The following PMFBP1 variants were observed in gnomAD, a reference collection of about 807,000 sequenced individuals.
The protein encoded by PMFBP1 is polyamine-modulated factor 1-binding protein 1.
A neutral mutation model predicts 137.8 loss-of-function variants in PMFBP1; 131 were observed. The ratio of observed to expected loss-of-function variants is 0.95; its 90% CI spans 0.82 to 1.10. The LOEUF (loss-of-function observed/expected upper bound fraction) is 1.10. Ranked by LOEUF, PMFBP1 falls within the 50% of genes least tolerant of loss-of-function variation. The pLI is 0.00. For missense variants in PMFBP1, 1,199 were observed against 1,175.4 expected, an observed-to-expected ratio of 1.02 and a Z score of -0.29; for synonymous variants, 490 against 450.4, an observed-to-expected ratio of 1.09 and a Z score of -1.11.
chr16:72,188,242 G>T, the PMFBP1 span, among the ~76,000 whole-genome samples: 1 of 152,218 alleles, frequency 6.6e-6, no homozygotes, highest in Non-Finnish European at 1.5e-5. Flanking sequence ...TTATATGCTC[G>T]ATTGGGCTAA....
chr16:72,187,105 T>A, the PMFBP1 span, among the ~76,000 whole-genome samples: 1 of 134,132 alleles, frequency 7.5e-6, no homozygotes, highest in Admixed American at 7.9e-5. Context: ...AAAGTGAGAC[T>A]CCATCTCAAA....
At chr16:72,133,061 C>T in intron 9 of PMFBP1, 70 bp from the exon 10 acceptor site, 2 of 1,560,292 alleles carry the variant, frequency 1.3e-6, no homozygotes, top group South Asian at 1.2e-5. Context: ...GAGAGGTTGT[C>T]TCAAGCCCTC....
intron 5 of PMFBP1, among the ~76,000 whole-genome samples, chr16:72,142,561 CT>C (rs1237112231): frequency 6.6e-6 from 1 of 152,142 alleles, no homozygotes; most frequent in Non-Finnish European, 1.5e-5. Flanking sequence ...AGGGAAGATG[CT>C]TTTGAAAGTT....
At chr16:72,123,154 G>T (rs1307701231) in intron 18 of PMFBP1, among the ~76,000 whole-genome samples, 166 bp from the exon 19 acceptor site, 1 of 152,142 alleles carries the variant, frequency 6.6e-6, no homozygotes, top group Non-Finnish European at 1.5e-5. Context: ...AGCACCTGGG[G>T]ATTCAGAGGA....
At chr16:72,193,774 T>C in the PMFBP1 span, among the ~76,000 whole-genome samples, 280 of 151,480 alleles carry the variant, frequency 1.8e-3, 1 homozygote, top group African/African-American at 6.5e-3. Context: ...ATGCATTCTA[T>C]TGAACAAAAA....
At chr16:72,123,423 G>C (rs1297759480) in intron 18 of PMFBP1, 123 bp downstream of exon 18, 4 of 798,840 alleles carry the variant, frequency 5.0e-6, no homozygotes, top group Non-Finnish European at 8.0e-6. Flanking sequence ...CTTGGGTGTG[G>C]GCTGAGACTG....
intron 5 of PMFBP1, among the ~76,000 whole-genome samples, chr16:72,142,340 T>C (rs530732378): frequency 3.9e-5 from 6 of 152,320 alleles, no homozygotes; most frequent in African/African-American, 1.4e-4. Flanking sequence ...AGAAATATTC[T>C]CTGAAGTGAA....
the PMFBP1 span, among the ~76,000 whole-genome samples, chr16:72,219,719 A>G: frequency 2.0e-5 from 3 of 152,214 alleles, no homozygotes; most frequent in African/African-American, 7.2e-5. Context: ...GATGAGATAC[A>G]GGTTTGGAAT....
chr16:72,138,113 C>T (rs935645695), intron 7 of PMFBP1, among the ~76,000 whole-genome samples: 1 of 152,110 alleles, frequency 6.6e-6, no homozygotes, highest in Non-Finnish European at 1.5e-5. Context: ...AAAATGGAGT[C>T]TTATGAGATT....
At position 72,140,260 on chromosome 16, in the gene PMFBP1, G is replaced by A. The variant is rs545951526; in HGVS notation, c.807+152C>T. 8 of 773,762 alleles carry A rather than the reference G, an allele frequency of 1.0e-5. No individual in the cohort carries two copies. In the African/African-American group the frequency reaches 1.0e-4, roughly 10 times the overall value. 47.9% of individuals were successfully genotyped at this position (773,762 alleles called of 1,614,324 possible). A position where few individuals can be genotyped will look rare whatever the true frequency, so the allele number is the denominator to read the frequency against. ...GGGTGGGAAGAAGCATTACCATGGA[G>A]AATATGAACAAAGTTGGGGGGCAAG... is the stretch of plus-strand genomic sequence containing the variant. On this transcript the variant is annotated intron_variant, in intron 6 of 20. Transcript: ENST00000237353.
At chr16:72,124,368 G>A (rs1297703121) in intron 17 of PMFBP1, among the ~76,000 whole-genome samples, 5 of 152,160 alleles carry the variant, frequency 3.3e-5, no homozygotes, top group South Asian at 2.1e-4. Context: ...GCTGTCCTGC[G>A]GCCTCCTGCC....
intron 10 of PMFBP1, among the ~76,000 whole-genome samples, chr16:72,130,984 C>G (rs1420666020): frequency 6.6e-6 from 1 of 152,194 alleles, no homozygotes; most frequent in African/African-American, 2.4e-5. Context: ...CATTCTGTCA[C>G]TGGGGACAAA....
chr16:72,143,465 G>A (rs1461338352), intron 5 of PMFBP1, among the ~76,000 whole-genome samples: 2 of 152,200 alleles, frequency 1.3e-5, no homozygotes, highest in African/African-American at 2.4e-5. Context: ...CAATTAGGCC[G>A]GGCGTGGTGG....
chr16:72,163,572 T>C (rs1016722536), intron 3 of PMFBP1, among the ~76,000 whole-genome samples: 9 of 152,132 alleles, frequency 5.9e-5, no homozygotes, highest in Non-Finnish European at 1.5e-5. Context: ...GGTCAAGTAG[T>C]AGTTGATGTG....
intron 9 of PMFBP1, among the ~76,000 whole-genome samples, chr16:72,136,011 T>G (rs140447516): frequency 2.0e-5 from 3 of 152,222 alleles, no homozygotes; most frequent in African/African-American, 7.2e-5. Context: ...CACCTTGGCC[T>G]CTTAAAGTGC....
At chr16:72,133,219 C>G (rs2042575375) in intron 9 of PMFBP1, among the ~76,000 whole-genome samples, 1 of 152,112 alleles carries the variant, frequency 6.6e-6, no homozygotes, top group Admixed American at 6.5e-5. Flanking sequence ...GAGTCTCTCT[C>G]TGTCGCCCAG....
chr16:72,156,913 T>C (rs951341157), intron 3 of PMFBP1, among the ~76,000 whole-genome samples: 4 of 151,458 alleles, frequency 2.6e-5, no homozygotes, highest in African/African-American at 4.9e-5. Context: ...ATCGGCTGGG[T>C]GCGGTGGCTC....
the PMFBP1 span, among the ~76,000 whole-genome samples, chr16:72,240,412 G>A: frequency 2.0e-5 from 3 of 152,206 alleles, no homozygotes; most frequent in East Asian, 1.9e-4. Context: ...AATTCCAAAC[G>A]TCTCTACTAA....
chr16:72,195,175 G>A, the PMFBP1 span, among the ~76,000 whole-genome samples: 1 of 152,160 alleles, frequency 6.6e-6, no homozygotes, highest in Non-Finnish European at 1.5e-5. Context: ...TGGGTGCAGC[G>A]ATGGCACCAG....
Sources: allele counts gnomAD v4.1 joint callset (sites outside exome capture counted in the v4.1 genomes callset), GRCh38; gene constraint gnomAD v4.1.1; transcripts MANE v1.5; gene names NCBI Gene and HGNC (gene_info 2026-07-23, HGNC 2026-07-21).